SNCAIP: variants seen among roughly 807,000 people sequenced by gnomAD.
SNCAIP encodes synuclein alpha interacting protein.
Under a neutral mutation model 86.7 loss-of-function variants are expected in SNCAIP, and 43 were observed. That is an observed-to-expected ratio of 0.50 (90% CI 0.39 to 0.64). The LOEUF (loss-of-function observed/expected upper bound fraction) is 0.64, where lower values mean the gene tolerates loss of function less well. Among genes scored for constraint, SNCAIP ranks in the 30% least tolerant of loss-of-function variants. The pLI is 0.00. For synonymous variants in SNCAIP, 417 were observed against 427.2 expected, an observed-to-expected ratio of 0.98 and a Z score of 0.29; for missense variants, 981 against 1,103.1, an observed-to-expected ratio of 0.89 and a Z score of 1.57.
Position 122,445,393 on chromosome 5 carries a change from T to C in SNCAIP, c.1592+661T>C, listed in dbSNP as rs190937766. On this transcript the variant is annotated intron_variant, in intron 8 of 10. Transcript: ENST00000261368. Reference sequence around the variant, plus strand: ...TCAGGGAAGTATTTCTGGGAGATTGTCATAATATGCTTAGAGAAAGAGGTC... The same window carrying C: ...TCAGGGAAGTATTTCTGGGAGATTGCCATAATATGCTTAGAGAAAGAGGTC... 5.9e-5 allele frequency among the ~76,000 whole-genome samples: 9 copies of C among 152,226 alleles called. No homozygotes were observed. In the East Asian group the frequency reaches 1.5e-3, roughly 26 times the overall value.
At chr5:122,352,245 G>A (rs540299974) in intron 1 of SNCAIP, among the ~76,000 whole-genome samples, 1 of 152,176 alleles carries the variant, frequency 6.6e-6, no homozygotes, top group African/African-American at 2.4e-5. Flanking sequence ...AAGTCTCAAA[G>A]GTCATTTGTT....
rs149569708 is a variant in SNCAIP, at chr5:122,452,574, A to C, written c.2754+973A>C. Among the ~76,000 whole-genome samples the C allele has an allele frequency of 1.4e-3, 214 of 152,320 alleles. 1 individual carries two copies. The highest frequency in any genetic ancestry group is 4.9e-3 in the African/African-American group (205 of 41,564). ...TATTTCTCTAATAAGTTGAACACCA[A>C]ATTTTAAATTAAATATCAAATTCCT... On this transcript the variant is annotated intron_variant, in intron 10 of 10. Transcript: ENST00000261368.
At chr5:122,351,324 G>A (rs1759727397) in intron 1 of SNCAIP, among the ~76,000 whole-genome samples, 1 of 151,922 alleles carries the variant, frequency 6.6e-6, no homozygotes, top group South Asian at 2.1e-4. Flanking sequence ...ATCACTTGAG[G>A]TCAGGGGTTT....
At chr5:122,418,654 A>T (rs1775778623) in intron 3 of SNCAIP, among the ~76,000 whole-genome samples, 1 of 152,250 alleles carries the variant, frequency 6.6e-6, no homozygotes, top group South Asian at 2.1e-4. Context: ...TCTAGCACCA[A>T]AATGAGTCTC....
intron 1 of SNCAIP, among the ~76,000 whole-genome samples, chr5:122,350,098 TAAA>T (rs1307280393): frequency 6.6e-6 from 1 of 152,200 alleles, no homozygotes; most frequent in Non-Finnish European, 1.5e-5. Context: ...TTAACTGTAA[TAAA>T]AGTTTATACA....
chr5:122,403,081 C>A (rs2152872707), intron 2 of SNCAIP, among the ~76,000 whole-genome samples: 1 of 152,296 alleles, frequency 6.6e-6, no homozygotes, highest in Admixed American at 6.5e-5. Flanking sequence ...TTTAGCTCTT[C>A]CAATTGTATG....
At chr5:122,345,232 G>T (rs768342849) in intron 1 of SNCAIP, among the ~76,000 whole-genome samples, 6 of 152,140 alleles carry the variant, frequency 3.9e-5, no homozygotes. Flanking sequence ...TTTGTTATTG[G>T]TTTATTGGAA....
chr5:122,464,035 A>G lies in SNCAIP; in HGVS notation c.*539A>G, dbSNP rs1787079916. 1 of 152,376 alleles carries G rather than the reference A, an allele frequency of 6.6e-6. No homozygotes were observed. The highest frequency in any genetic ancestry group is 2.1e-4 in the South Asian group (1 of 4,826). 9.4% of individuals were successfully genotyped at this position (152,376 alleles called of 1,614,324 possible). On this transcript the variant is annotated 3_prime_UTR_variant, in exon 11 of 11. Transcript: ENST00000261368. ...CATTTCTACTTTTTGTATAAAGGAA[A>G]TAAAACAATGTTAACAGCCACCTAT...
chr5:122,390,718 G>A (rs1769162627), intron 1 of SNCAIP, among the ~76,000 whole-genome samples: 1 of 152,152 alleles, frequency 6.6e-6, no homozygotes, highest in South Asian at 2.1e-4. Context: ...AAGATTTCCA[G>A]GCTGGCTCCC....
At chr5:122,441,772 A>T (rs1780990701) in intron 7 of SNCAIP, among the ~76,000 whole-genome samples, 1 of 152,110 alleles carries the variant, frequency 6.6e-6, no homozygotes, top group Non-Finnish European at 1.5e-5. Context: ...GGATAGCTGA[A>T]GGAGGAGTAG....
chr5:122,449,988 A>G, intron 9 of SNCAIP, 51 bp downstream of exon 9: 1 of 1,251,626 alleles, frequency 8.0e-7, no homozygotes, highest in African/African-American at 1.5e-5. Flanking sequence ...TAAATTGTTA[A>G]GCCTTCTTCT....
intron 1 of SNCAIP, among the ~76,000 whole-genome samples, chr5:122,359,349 T>TTTTTTTTTTTTA (rs372903978): frequency 2.1e-5 from 3 of 142,182 alleles, no homozygotes; most frequent in Non-Finnish European, 4.6e-5. Context: ...AGATTTTTAT[T>TTTTTTTTTTTTA]TTTATTTATT....
intron 1 of SNCAIP, among the ~76,000 whole-genome samples, chr5:122,373,078 G>A (rs1764580711): frequency 6.6e-6 from 1 of 152,106 alleles, no homozygotes; most frequent in African/African-American, 2.4e-5. Context: ...TCTTCCATGA[G>A]TGGAGTGGTG....
intron 3 of SNCAIP, among the ~76,000 whole-genome samples, chr5:122,408,228 A>G (rs1049440072): frequency 6.6e-6 from 1 of 152,142 alleles, no homozygotes; most frequent in Non-Finnish European, 1.5e-5. Context: ...TGTCAGCCCC[A>G]CAGAACAGTC....
At position 122,456,172 on chromosome 5, in the gene SNCAIP, T is replaced by C. The variant is rs553686994; in HGVS notation, c.2754+4571T>C. Among the ~76,000 whole-genome samples, 33 of 152,328 alleles carry C rather than the reference T, an allele frequency of 2.2e-4. No homozygotes were observed. The South Asian group carries it at 6.4e-3, about 30-fold the overall frequency. On this transcript the variant is annotated intron_variant, in intron 10 of 10. Transcript: ENST00000261368. ...TGAGGGGTTAGGAAACGCCTAATCC[T>C]AGCACCAGCATTAGCATAGAGTCCT...
chr5:122,373,423 T>A (rs549648471), intron 1 of SNCAIP, among the ~76,000 whole-genome samples: 18 of 152,242 alleles, frequency 1.2e-4, no homozygotes, highest in African/African-American at 4.3e-4. Flanking sequence ...ATCCAGGTTG[T>A]CTCACTAAAG....
intron 1 of SNCAIP, among the ~76,000 whole-genome samples, chr5:122,362,850 G>C (rs939607315): frequency 6.6e-6 from 1 of 152,158 alleles, no homozygotes; most frequent in African/African-American, 2.4e-5. Flanking sequence ...GCAACATGTG[G>C]TCCAGCTAGC....
At chr5:122,427,937 T>C (rs1777670599) in intron 5 of SNCAIP, among the ~76,000 whole-genome samples, 1 of 152,196 alleles carries the variant, frequency 6.6e-6, no homozygotes. Context: ...GCCAGTTACA[T>C]ACAGAATTTA....
intron 2 of SNCAIP, among the ~76,000 whole-genome samples, chr5:122,393,826 C>G (rs1272822134): frequency 6.6e-6 from 1 of 152,140 alleles, no homozygotes; most frequent in Admixed American, 6.5e-5. Context: ...TTAGTGTGAT[C>G]CAGACTTCAT....
Sources: allele counts gnomAD v4.1 joint callset (sites outside exome capture counted in the v4.1 genomes callset), GRCh38; gene constraint gnomAD v4.1.1; transcripts MANE v1.5; gene names NCBI Gene and HGNC (gene_info 2026-07-23, HGNC 2026-07-21).